The following BCL2 variants were observed in gnomAD, a reference collection of about 807,000 sequenced individuals.
BCL2 encodes the protein apoptosis regulator Bcl-2.
BCL2 carries 1 observed loss-of-function variant against 14.2 expected under a neutral mutation model. The ratio of observed to expected loss-of-function variants is 0.07; its 90% CI spans 0.02 to 0.33. The LOEUF (loss-of-function observed/expected upper bound fraction) is 0.33, where lower values mean the gene tolerates loss of function less well. Ranked by LOEUF, BCL2 falls within the 10% of genes least tolerant of loss-of-function variation. The pLI, the probability that BCL2 is intolerant of heterozygous loss-of-function variation, is 0.99. For synonymous variants in BCL2, 151 were observed against 137.2 expected, an observed-to-expected ratio of 1.10 and a Z score of -0.70; for missense variants, 247 against 305.9, an observed-to-expected ratio of 0.81 and a Z score of 1.44.
At chr18:63,185,402 C>A (rs1293732241) in intron 2 of BCL2, among the ~76,000 whole-genome samples, 1 of 152,140 alleles carries the variant, frequency 6.6e-6, no homozygotes, top group Non-Finnish European at 1.5e-5. Flanking sequence ...GCTTGACATA[C>A]AGAGATGCTA....
intron 2 of BCL2, among the ~76,000 whole-genome samples, chr18:63,206,492 T>C (rs994281717): frequency 2.6e-5 from 4 of 152,242 alleles, no homozygotes; most frequent in Non-Finnish European, 5.9e-5. Context: ...TCAGTTTCAC[T>C]GTCTTCTGCG....
rs189787833 is a variant in BCL2 at position 63,230,886 on chromosome 18, T to A, written c.585+87196A>T. Among the ~76,000 whole-genome samples, 32 of 151,888 alleles carry A rather than the reference T, an allele frequency of 2.1e-4. No individual in the cohort carries two copies. The East Asian group carries it at 5.8e-3, about 27-fold the overall frequency. Reference sequence around the variant, plus strand: ...AAGTATTGGTCAATCTCAGTTAAAGTATCAATGCAAAAAATCTGAAAAAAA... The same window carrying A: ...AAGTATTGGTCAATCTCAGTTAAAGAATCAATGCAAAAAATCTGAAAAAAA... On this transcript the variant is annotated intron_variant, in intron 2 of 2. Coordinates refer to ENST00000333681, the MANE Select transcript of BCL2 (RefSeq NM_000633.3).
chr18:63,234,175 C>T (rs1351265292), intron 2 of BCL2, among the ~76,000 whole-genome samples: 1 of 152,084 alleles, frequency 6.6e-6, no homozygotes, highest in East Asian at 1.9e-4. Context: ...TTTGCTGCAC[C>T]TATCAACCCA....
chr18:63,241,323 T>G (rs1910993891), intron 2 of BCL2, among the ~76,000 whole-genome samples: 1 of 152,220 alleles, frequency 6.6e-6, no homozygotes, highest in African/African-American at 2.4e-5. Flanking sequence ...TAAATTCACT[T>G]AAAAACCAAT....
chr18:63,249,734 G>GAAAAAT (rs1911253532), intron 2 of BCL2, among the ~76,000 whole-genome samples: 1 of 112,090 alleles, frequency 8.9e-6, no homozygotes, highest in African/African-American at 3.5e-5. Context: ...AAAAAAAAAG[G>GAAAAAT]CAAGCTCTGA....
At chr18:63,283,649 C>T (rs539162282) in intron 2 of BCL2, among the ~76,000 whole-genome samples, 8 of 152,316 alleles carry the variant, frequency 5.3e-5, no homozygotes, top group Middle Eastern at 3.4e-3. Context: ...CAGAACCACA[C>T]GCAGAAGAGT....
At chr18:63,183,322 G>T (rs1163767042) in intron 2 of BCL2, among the ~76,000 whole-genome samples, 1 of 152,208 alleles carries the variant, frequency 6.6e-6, no homozygotes. Context: ...TATTGCTCCA[G>T]GAGAGGAAAA....
chr18:63,242,272 A>G (rs1236500739), intron 2 of BCL2, among the ~76,000 whole-genome samples: 1 of 152,264 alleles, frequency 6.6e-6, no homozygotes, highest in African/African-American at 2.4e-5. Context: ...CTGAGATCAC[A>G]TCTACCACAT....
At chr18:63,203,760 G>A (rs549948369) in intron 2 of BCL2, among the ~76,000 whole-genome samples, 63 of 152,232 alleles carry the variant, frequency 4.1e-4, no homozygotes, top group Non-Finnish European at 5.3e-4. Flanking sequence ...TCTGAGAATT[G>A]AGATACTAAA....
intron 2 of BCL2, among the ~76,000 whole-genome samples, chr18:63,286,641 C>T (rs139912940): frequency 6.6e-6 from 1 of 151,944 alleles, no homozygotes; most frequent in Admixed American, 6.6e-5. Flanking sequence ...TCTGAGCCAA[C>T]CTTCAGGGCT....
chr18:63,150,445 G>A (rs533881884), intron 2 of BCL2, among the ~76,000 whole-genome samples: 165 of 152,316 alleles, frequency 1.1e-3, no homozygotes, highest in African/African-American at 3.8e-3. Flanking sequence ...GCATTGTGAT[G>A]GTTTTTTTTC....
At chr18:63,272,250 A>T (rs539206504) in intron 2 of BCL2, among the ~76,000 whole-genome samples, 8 of 152,336 alleles carry the variant, frequency 5.3e-5, no homozygotes, top group Non-Finnish European at 7.3e-5. Context: ...CCTGGAAAAA[A>T]TATCTGTTCA....
At chr18:63,304,119 A>G (rs1191338688) in intron 2 of BCL2, among the ~76,000 whole-genome samples, 1 of 152,184 alleles carries the variant, frequency 6.6e-6, no homozygotes, top group Non-Finnish European at 1.5e-5. Context: ...CTTGCACTGC[A>G]TTGCCCTGTT....
intron 2 of BCL2, chr18:63,302,741 A>C: frequency 2.0e-6 from 2 of 985,424 alleles, no homozygotes; most frequent in Non-Finnish European, 2.4e-6. Context: ...AGGATGCAGT[A>C]AGAGTTTCCT....
At chr18:63,248,623 C>A (rs756661912) in intron 2 of BCL2, among the ~76,000 whole-genome samples, 2 of 152,174 alleles carry the variant, frequency 1.3e-5, no homozygotes, top group Non-Finnish European at 2.9e-5. Flanking sequence ...CATAGAGAGA[C>A]AGAGAATAAG....
At chr18:63,190,064 C>A (rs1909246672) in intron 2 of BCL2, among the ~76,000 whole-genome samples, 1 of 152,172 alleles carries the variant, frequency 6.6e-6, no homozygotes, top group Non-Finnish European at 1.5e-5. Context: ...CCATATTACT[C>A]AGCCCTGATC....
At position 63,126,647 on chromosome 18, in the gene BCL2, T is replaced by C; in HGVS notation, c.*1978A>G. ...TCCTCAGTGGCCAGTGACATCCAGG[T>C]TTTTCTTAGGTAGCTGAGACTCAGG... On this transcript the variant is annotated 3_prime_UTR_variant, in exon 3 of 3. Transcript: ENST00000333681. 4.4e-6 allele frequency: 1 copy of C among 228,058 alleles called. No individual in the cohort carries two copies. Among genetic ancestry groups the C allele is most frequent in the Non-Finnish European group, 8.7e-6 (1 of 114,792 alleles). 14.1% of individuals were successfully genotyped at this position (228,058 alleles called of 1,614,324 possible).
At chr18:63,196,751 T>C (rs1326975210) in intron 2 of BCL2, among the ~76,000 whole-genome samples, 1 of 152,150 alleles carries the variant, frequency 6.6e-6, no homozygotes, top group African/African-American at 2.4e-5. Flanking sequence ...AATAACTAAA[T>C]AAAAATTTTA....
At chr18:63,235,695 T>C (rs1168464804) in intron 2 of BCL2, among the ~76,000 whole-genome samples, 1 of 151,866 alleles carries the variant, frequency 6.6e-6, no homozygotes, top group African/African-American at 2.4e-5. Flanking sequence ...TATCTCTTTT[T>C]TACAAAAAAG....
Sources: gnomAD v4.1 joint callset for allele counts (sites outside exome capture counted in the v4.1 genomes callset) on GRCh38, gnomAD v4.1.1 for gene constraint, MANE v1.5 for transcripts, NCBI Gene and HGNC (gene_info 2026-07-23, HGNC 2026-07-21) for gene names.